Variants in MMP26 observed in about 807,000 individuals in gnomAD.
The protein encoded by MMP26 is matrix metalloproteinase-26.
In MMP26, 33 loss-of-function variants were observed where a neutral mutation model predicts 31.0. The observed-to-expected ratio is 1.06, with a 90% CI of 0.81 to 1.42. The LOEUF (loss-of-function observed/expected upper bound fraction) is 1.42. Among genes scored for constraint, MMP26 ranks in the 40% most tolerant of loss-of-function variants. The probability of loss-of-function intolerance (pLI) is 0.00; values close to 1 mark genes in which losing one functional copy is unlikely to be tolerated. For synonymous variants in MMP26, 122 were observed against 114.9 expected (o/e 1.06, Z -0.40); for missense variants, 347 against 316.1 (o/e 1.10, Z -0.74).
intron 2 of MMP26, chr11:4,914,382 C>G (rs1001600174): frequency 9.5e-6 from 2 of 209,534 alleles, no homozygotes; most frequent in Admixed American, 1.0e-4. Flanking sequence ...CCACAATACT[C>G]AATTCATGAG....
chr11:4,711,778 A>G (rs1373027697), intron 1 of MMP26: 8 of 152,224 alleles, frequency 5.3e-5, no homozygotes, highest in Admixed American at 6.6e-5. Context: ...TTGCATTTTA[A>G]CAAGACATTT....
intron 1 of MMP26, among the ~76,000 whole-genome samples, chr11:4,727,447 C>T (rs1173925748): frequency 6.6e-6 from 1 of 151,724 alleles, no homozygotes; most frequent in Non-Finnish European, 1.5e-5. Flanking sequence ...TTTTTATGGC[C>T]ATATTTGAAA....
intron 2 of MMP26, chr11:4,882,480 C>G (rs1850486443): frequency 1.2e-6 from 2 of 1,613,788 alleles, no homozygotes; most frequent in South Asian, 2.2e-5. Flanking sequence ...TATTCCAAAC[C>G]TTGGATCAGC....
At chr11:4,968,000 T>C (rs746523101) in intron 2 of MMP26, among the ~76,000 whole-genome samples, 16 of 152,144 alleles carry the variant, frequency 1.1e-4, no homozygotes, top group Non-Finnish European at 1.9e-4. Context: ...CTAATTATTC[T>C]TTATGAGTTC....
At chr11:4,741,294 ATGAC>A (rs1848307879) in intron 1 of MMP26, among the ~76,000 whole-genome samples, 1 of 145,790 alleles carries the variant, frequency 6.9e-6, no homozygotes, top group African/African-American at 2.7e-5. Context: ...CAGCAATCCC[ATGAC>A]TGGGTTATAC....
chr11:4,915,160 G>A (rs914119680), intron 2 of MMP26: 1 of 1,614,042 alleles, frequency 6.2e-7, no homozygotes, highest in Non-Finnish European at 8.5e-7. Flanking sequence ...GGAATCTTTT[G>A]AGCATAAAAG....
At chr11:4,783,129 TGATA>T (rs1375816545) in intron 2 of MMP26, among the ~76,000 whole-genome samples, 2 of 152,162 alleles carry the variant, frequency 1.3e-5, no homozygotes, top group African/African-American at 4.8e-5. Context: ...GACCCCAGAA[TGATA>T]GATCCACCAG....
chr11:4,880,776 A>G (rs912418983), intron 2 of MMP26, among the ~76,000 whole-genome samples: 2 of 152,186 alleles, frequency 1.3e-5, no homozygotes, highest in African/African-American at 4.8e-5. Flanking sequence ...ATTGAAGCAG[A>G]GGGTAGTTTT....
chr11:4,846,865 A>G (rs1849876684), intron 2 of MMP26, among the ~76,000 whole-genome samples: 1 of 152,222 alleles, frequency 6.6e-6, no homozygotes, highest in Non-Finnish European at 1.5e-5. Flanking sequence ...CTGTATACCA[A>G]CTACAAAATA....
At chr11:4,915,113 C>A (rs1851058938) in intron 2 of MMP26, 1 of 1,613,850 alleles carries the variant, frequency 6.2e-7, no homozygotes, top group Admixed American at 1.7e-5. Context: ...TTGGTGGAGA[C>A]AATAAGAATG....
chr11:4,905,602 C>T (rs1850874177), intron 2 of MMP26, among the ~76,000 whole-genome samples: 1 of 152,088 alleles, frequency 6.6e-6, no homozygotes, highest in East Asian at 1.9e-4. Context: ...CTTCTTCTCT[C>T]TAGCCTTCCA....
At chr11:4,964,353 A>G (rs1846561826) in intron 2 of MMP26, among the ~76,000 whole-genome samples, 1 of 152,246 alleles carries the variant, frequency 6.6e-6, no homozygotes, top group South Asian at 2.1e-4. Context: ...TCCTAGCACC[A>G]TTTATTAAAT....
At chr11:4,766,847 G>A (rs1329573147) in intron 1 of MMP26, among the ~76,000 whole-genome samples, 1 of 151,420 alleles carries the variant, frequency 6.6e-6, no homozygotes, top group Non-Finnish European at 1.5e-5. Flanking sequence ...TCTGCTGGTG[G>A]CTGTGCTATC....
intron 2 of MMP26, chr11:4,915,885 C>T (rs1393119408): frequency 2.0e-6 from 1 of 497,322 alleles, no homozygotes; most frequent in African/African-American, 1.9e-5. Flanking sequence ...GAAGCAAAGA[C>T]ATGGAATTGT....
intron 2 of MMP26, among the ~76,000 whole-genome samples, chr11:4,972,047 G>A (rs1396245262): frequency 6.6e-6 from 1 of 152,078 alleles, no homozygotes; most frequent in Non-Finnish European, 1.5e-5. Context: ...GATCAGGAGG[G>A]GACAAATGTC....
intron 2 of MMP26, among the ~76,000 whole-genome samples, chr11:4,950,787 C>T (rs1223960745): frequency 8.1e-6 from 1 of 123,002 alleles, no homozygotes; most frequent in African/African-American, 2.7e-5. Flanking sequence ...TTGCACTGTT[C>T]AATTTGCATT....
chr11:4,821,224 C>T lies in MMP26; in HGVS notation c.-145+53883C>T, dbSNP rs74052365. On this transcript the variant is annotated intron_variant, in intron 2 of 7. Transcript: ENST00000380390. The stretch of plus-strand genomic sequence containing the variant: ...CACAGTTCAGGGAATTCACTTTTCT[C>T]AATAAATGTGAAACACTGACAGACT... 2.7e-3 allele frequency: 1,704 copies of T among 633,148 alleles called. 18 individuals are homozygous for T. The African/African-American group carries it at 0.029, about 11-fold the overall frequency. The allele number at this position is 633,148 out of a possible 1,614,324, so 39.2% of individuals were successfully genotyped here. A position where few individuals can be genotyped will look rare whatever the true frequency, so the allele number is the denominator to read the frequency against.
chr11:4,727,099 C>T (rs2133280509), intron 1 of MMP26, among the ~76,000 whole-genome samples: 1 of 152,186 alleles, frequency 6.6e-6, no homozygotes, highest in Non-Finnish European at 1.5e-5. Context: ...ACTTACATTG[C>T]TTGTCAACAT....
rs544673456 is a variant in MMP26, at chr11:4,742,472, A to G, written c.-216-24798A>G. On this transcript the variant is annotated intron_variant, in intron 1 of 7. Coordinates refer to ENST00000380390, the MANE Select transcript of MMP26 (RefSeq NM_021801.5). ...GTATGATGGTTAATTTCATGTGTCA[A>G]CTTGACTGGGTCGCCGGATGCCTAG... 3.9e-5 allele frequency among the ~76,000 whole-genome samples: 6 copies of G among 152,294 alleles called. No individual in the cohort carries two copies. In the South Asian group the frequency reaches 1.2e-3, roughly 32 times the overall value.
Sources: allele counts gnomAD v4.1 joint callset (sites outside exome capture counted in the v4.1 genomes callset), GRCh38; gene constraint gnomAD v4.1.1; transcripts MANE v1.5; gene names NCBI Gene and HGNC (gene_info 2026-07-23, HGNC 2026-07-21).